Variants in PAPPA observed in about 807,000 individuals in gnomAD.
PAPPA encodes pappalysin 1, also known as pappalysin-1.
PAPPA carries 60 observed loss-of-function variants against 164.0 expected under a neutral mutation model. The observed-to-expected ratio is 0.37, with a 90% CI of 0.30 to 0.45. The LOEUF (loss-of-function observed/expected upper bound fraction) is 0.45, where lower values mean the gene tolerates loss of function less well. Ranked by LOEUF, PAPPA falls within the 20% of genes least tolerant of loss-of-function variation. The pLI, the probability that PAPPA is intolerant of heterozygous loss-of-function variation, is 1.00. For missense variants in PAPPA, 1,782 were observed against 2,087.3 expected, an observed-to-expected ratio of 0.85 and a Z score of 2.85; for synonymous variants, 875 against 814.1, an observed-to-expected ratio of 1.07 and a Z score of -1.27.
At chr9:116,280,022 G>T (rs955913717) in intron 9 of PAPPA, among the ~76,000 whole-genome samples, 1 of 152,138 alleles carries the variant, frequency 6.6e-6, no homozygotes, top group Non-Finnish European at 1.5e-5. Flanking sequence ...AATGATGGAT[G>T]GGCAGTAAGG....
chr9:116,332,525 C>G, intron 12 of PAPPA, 57 bp downstream of exon 12: 3 of 1,505,730 alleles, frequency 2.0e-6, no homozygotes, highest in Non-Finnish European at 2.8e-6. Context: ...ACCTCTGCCC[C>G]ATAACTAGTT....
At chr9:116,224,540 A>G (rs988218572) in intron 5 of PAPPA, among the ~76,000 whole-genome samples, 4 of 152,212 alleles carry the variant, frequency 2.6e-5, no homozygotes, top group African/African-American at 9.6e-5. Flanking sequence ...TATAATAAGT[A>G]CTATTTTAGT....
In PAPPA at chr9:116,233,816, C is replaced by CT. The variant is rs574645261; in HGVS notation, c.2234-1313dup. ...CCACAAAGCGTTTTTAAGCAAAGAT[C>CT]TTTTTTTTTTCTTATTTGCTTCAGA... On this transcript the variant is annotated intron_variant, in intron 6 of 21. Coordinates refer to ENST00000328252, the MANE Select transcript of PAPPA (RefSeq NM_002581.5). Among the ~76,000 whole-genome samples the CT allele has an allele frequency of 4.1e-4, 62 of 150,056 alleles. 1 individual carries two copies. The highest frequency in any genetic ancestry group is 4.2e-4 in the South Asian group (2 of 4,708).
At chr9:116,156,171 T>C (rs778072194) in intron 1 of PAPPA, among the ~76,000 whole-genome samples, 27 of 151,090 alleles carry the variant, frequency 1.8e-4, no homozygotes, top group Non-Finnish European at 3.7e-4. Context: ...TACCAGTGAT[T>C]TGGAAGGCAT....
intron 14 of PAPPA, among the ~76,000 whole-genome samples, chr9:116,345,078 C>T (rs1446237387): frequency 6.6e-6 from 1 of 152,178 alleles, no homozygotes; most frequent in Non-Finnish European, 1.5e-5. Context: ...CAATGAGATG[C>T]TCATTCATTC....
At chr9:116,342,012 GC>G (rs1423756205) in intron 13 of PAPPA, among the ~76,000 whole-genome samples, 1 of 152,110 alleles carries the variant, frequency 6.6e-6, no homozygotes, top group African/African-American at 2.4e-5. Flanking sequence ...AACTTAATGT[GC>G]ACAAAATAAT....
intron 10 of PAPPA, chr9:116,318,271 G>C (rs1845811472): frequency 6.6e-6 from 1 of 152,104 alleles, no homozygotes; most frequent in East Asian, 1.9e-4. Flanking sequence ...ATTTCTCTAT[G>C]AGTGTTTGCT....
At position 116,398,480 on chromosome 9, in the gene PAPPA, A is replaced by T. The variant is rs1846997156; in HGVS notation, c.*1864A>T. ...GTGTTGTTAATCTATCATAGCACTT[A>T]AAAAAAAAAAAAAAAAGAGACCAAA... On this transcript the variant is annotated 3_prime_UTR_variant, in exon 22 of 22. Transcript: ENST00000328252. The T allele has an allele frequency of 4.2e-5, 7 of 168,564 alleles. No homozygotes were observed. The highest frequency in any genetic ancestry group is 1.2e-3 in the Middle Eastern group (1 of 860). The allele number at this position is 168,564 out of a possible 1,614,324, so 10.4% of individuals were successfully genotyped here. A position where few individuals can be genotyped will look rare whatever the true frequency, so the allele number is the denominator to read the frequency against.
At chr9:116,159,562 A>G (rs1356823546) in intron 1 of PAPPA, among the ~76,000 whole-genome samples, 1 of 152,194 alleles carries the variant, frequency 6.6e-6, no homozygotes, top group Non-Finnish European at 1.5e-5. Flanking sequence ...GGGACCTTTA[A>G]ACAGGAAAAC....
intron 9 of PAPPA, among the ~76,000 whole-genome samples, chr9:116,289,659 T>A (rs1036981267): frequency 6.6e-6 from 1 of 152,100 alleles, no homozygotes; most frequent in African/African-American, 2.4e-5. Flanking sequence ...TAGAATCATA[T>A]AGAATGTCTA....
chr9:116,370,137 G>C (rs148165990), intron 19 of PAPPA, among the ~76,000 whole-genome samples: 112 of 152,248 alleles, frequency 7.4e-4, no homozygotes, highest in African/African-American at 2.6e-3. Context: ...GTGAGGCTCT[G>C]CTCCAGCTGC....
At chr9:116,289,348 C>CATATATATGCCATATATATAGCATAT in intron 9 of PAPPA, among the ~76,000 whole-genome samples, 1 of 126,136 alleles carries the variant, frequency 7.9e-6, no homozygotes, top group Non-Finnish European at 1.7e-5. Flanking sequence ...ATATATATGG[C>CATATATATGCCATATATATAGCATAT]ATATATATGG....
rs1458425434 is a variant in PAPPA at position 116,396,793 on chromosome 9, T to C, written c.*177T>C. On this transcript the variant is annotated 3_prime_UTR_variant, in exon 22 of 22. Transcript: ENST00000328252. ...CTCACATTGGGGCGAATGAACCAAGTTTCGCCATGCTGGATGATGAAATGG... is the reference window on the plus strand; with the variant it reads ...CTCACATTGGGGCGAATGAACCAAGCTTCGCCATGCTGGATGATGAAATGG... 1.7e-6 allele frequency: 1 copy of C among 589,620 alleles called. No individual in the cohort carries two copies. Among genetic ancestry groups the C allele is most frequent in the African/African-American group, 1.9e-5 (1 of 53,644 alleles). 36.5% of individuals were successfully genotyped at this position (589,620 alleles called of 1,614,324 possible).
chr9:116,176,713 G>A (rs1843839172), intron 1 of PAPPA, among the ~76,000 whole-genome samples: 2 of 152,178 alleles, frequency 1.3e-5, no homozygotes, highest in African/African-American at 2.4e-5. Context: ...ATTAGAGTCT[G>A]TTGAGCACCT....
intron 4 of PAPPA, among the ~76,000 whole-genome samples, chr9:116,213,846 T>C (rs1191911604): frequency 1.3e-5 from 2 of 152,180 alleles, no homozygotes; most frequent in Non-Finnish European, 2.9e-5. Flanking sequence ...TTGTTTTCCT[T>C]GGGATTTCTG....
At chr9:116,230,769 T>C (rs1162373812) in intron 6 of PAPPA, among the ~76,000 whole-genome samples, 1 of 152,194 alleles carries the variant, frequency 6.6e-6, no homozygotes, top group Non-Finnish European at 1.5e-5. Context: ...CTGTATTTCA[T>C]ACATGAATAT....
chr9:116,235,110 G>A (rs1438896613), intron 6 of PAPPA, 29 bp from the exon 7 acceptor site: 2 of 1,613,456 alleles, frequency 1.2e-6, no homozygotes, highest in Non-Finnish European at 1.7e-6. Context: ...CTTTCCCCAA[G>A]AACTCATTCC....
At chr9:116,205,851 T>C (rs1192766844) in intron 2 of PAPPA, among the ~76,000 whole-genome samples, 1 of 152,172 alleles carries the variant, frequency 6.6e-6, no homozygotes, top group Non-Finnish European at 1.5e-5. Flanking sequence ...GGAAGTTAAG[T>C]ACATTGCCCA....
intron 4 of PAPPA, among the ~76,000 whole-genome samples, chr9:116,217,880 C>A (rs916449230): frequency 2.0e-5 from 3 of 152,160 alleles, no homozygotes; most frequent in African/African-American, 4.8e-5. Flanking sequence ...AATCTAGTCA[C>A]GTGGCCATAC....
Sources: gnomAD v4.1 joint callset for allele counts (sites outside exome capture counted in the v4.1 genomes callset) on GRCh38, gnomAD v4.1.1 for gene constraint, MANE v1.5 for transcripts, NCBI Gene and HGNC (gene_info 2026-07-23, HGNC 2026-07-21) for gene names.